Variants in ANO2 observed in about 807,000 individuals in gnomAD.
The protein encoded by ANO2 is anoctamin-2.
ANO2 carries 101 observed loss-of-function variants against 124.2 expected under a neutral mutation model. The observed-to-expected ratio is 0.81, with a 90% CI of 0.69 to 0.96. The LOEUF (loss-of-function observed/expected upper bound fraction) is 0.96, where lower values mean the gene tolerates loss of function less well. ANO2 is among the 40% of genes least tolerant of loss of function. ANO2 has a pLI of 0.00. For missense variants in ANO2, 1,293 were observed against 1,274.5 expected (o/e 1.01, Z -0.22); for synonymous variants, 486 against 482.5 (o/e 1.01, Z -0.09).
intron 16 of ANO2, among the ~76,000 whole-genome samples, chr12:5,618,218 C>T (rs890789162): frequency 1.3e-5 from 2 of 152,204 alleles, no homozygotes; most frequent in Admixed American, 6.5e-5. Context: ...CTGGCTCTTC[C>T]AGCCTGTCCT....
At chr12:5,935,097 A>G (rs1942591308) in intron 1 of ANO2, among the ~76,000 whole-genome samples, 1 of 152,214 alleles carries the variant, frequency 6.6e-6, no homozygotes, top group African/African-American at 2.4e-5. Flanking sequence ...AGTCTGTAGG[A>G]AAGTGCTCAG....
At chr12:5,855,631 A>G (rs1271743725) in intron 3 of ANO2, among the ~76,000 whole-genome samples, 2 of 152,242 alleles carry the variant, frequency 1.3e-5, no homozygotes, top group Non-Finnish European at 2.9e-5. Context: ...TTGACTGTGT[A>G]TTATGCGCCA....
chr12:5,720,872 GAGA>G (rs750660495), intron 14 of ANO2, among the ~76,000 whole-genome samples: 13 of 152,090 alleles, frequency 8.5e-5, no homozygotes, highest in Non-Finnish European at 1.6e-4. Flanking sequence ...GTGAGCAGAG[GAGA>G]AGGTCTTATT....
chr12:5,637,754 G>A (rs1946098107), intron 15 of ANO2, among the ~76,000 whole-genome samples: 1 of 151,894 alleles, frequency 6.6e-6, no homozygotes, highest in Non-Finnish European at 1.5e-5. Context: ...CCTCACTTCA[G>A]CTCTCTGGTT....
chr12:5,695,192 G>A (rs866070731), intron 14 of ANO2, among the ~76,000 whole-genome samples: 19 of 152,204 alleles, frequency 1.2e-4, no homozygotes, highest in South Asian at 4.2e-4. Flanking sequence ...AGCACTCCAA[G>A]CACCACTCCT....
chr12:5,761,542 C>A (rs1309746910), intron 10 of ANO2, among the ~76,000 whole-genome samples: 1 of 152,078 alleles, frequency 6.6e-6, no homozygotes, highest in Non-Finnish European at 1.5e-5. Context: ...ATTATTGTAC[C>A]TGTCTTATCG....
At chr12:5,699,190 G>A (rs1949307923) in intron 14 of ANO2, among the ~76,000 whole-genome samples, 1 of 152,236 alleles carries the variant, frequency 6.6e-6, no homozygotes, top group Non-Finnish European at 1.5e-5. Context: ...GACAGCCAGA[G>A]AGAAAGGTTG....
intron 1 of ANO2, among the ~76,000 whole-genome samples, chr12:5,944,573 C>A (rs1427181128): frequency 6.6e-6 from 1 of 152,200 alleles, no homozygotes; most frequent in Non-Finnish European, 1.5e-5. Context: ...TAACGTCTTT[C>A]TTCTCCATAC....
intron 20 of ANO2, among the ~76,000 whole-genome samples, chr12:5,592,882 A>G (rs1943475168): frequency 6.6e-6 from 1 of 152,240 alleles, no homozygotes; most frequent in African/African-American, 2.4e-5. Context: ...TCCTGAACCC[A>G]GAAGCTCAGA....
At chr12:5,841,823 T>A (rs559369686) in intron 4 of ANO2, among the ~76,000 whole-genome samples, 1 of 151,960 alleles carries the variant, frequency 6.6e-6, no homozygotes, top group Non-Finnish European at 1.5e-5. Context: ...TCTCTTGTCA[T>A]AACCCAGTCT....
intron 3 of ANO2, among the ~76,000 whole-genome samples, chr12:5,915,788 T>A (rs1311870634): frequency 1.3e-5 from 2 of 152,188 alleles, no homozygotes; most frequent in African/African-American, 4.8e-5. Flanking sequence ...AGCTGATGAA[T>A]CTCCAAGCAC....
At chr12:5,714,974 G>A (rs1431299550) in intron 14 of ANO2, among the ~76,000 whole-genome samples, 2 of 152,106 alleles carry the variant, frequency 1.3e-5, no homozygotes, top group African/African-American at 2.4e-5. Flanking sequence ...AGTGACTATC[G>A]ATGGGAGTTC....
chr12:5,565,460 T>A, intron 24 of ANO2, 98 bp downstream of exon 24: 1 of 1,059,116 alleles, frequency 9.4e-7, no homozygotes, highest in South Asian at 1.5e-5. Context: ...TGTCACAGAG[T>A]ACCACCGGAA....
intron 16 of ANO2, among the ~76,000 whole-genome samples, chr12:5,628,419 G>C (rs910668594): frequency 6.6e-6 from 1 of 152,304 alleles, no homozygotes; most frequent in Non-Finnish European, 1.5e-5. Context: ...AAACTTTTCT[G>C]GGGAACAAGG....
At chr12:5,628,929 G>T (rs1305067086) in intron 16 of ANO2, among the ~76,000 whole-genome samples, 1 of 152,178 alleles carries the variant, frequency 6.6e-6, no homozygotes, top group Non-Finnish European at 1.5e-5. Context: ...GTTGGTATGA[G>T]GTGGGCCCTC....
intron 3 of ANO2, among the ~76,000 whole-genome samples, chr12:5,876,832 TA>T (rs1938134683): frequency 6.6e-6 from 1 of 151,296 alleles, no homozygotes; most frequent in Admixed American, 6.6e-5. Context: ...CTGTCAGGGG[TA>T]GGGGGTTAGG....
At position 5,637,342 on chromosome 12, in the gene ANO2, T is replaced by TGTGC. The variant is rs1429955242; in HGVS notation, c.1621-1996_1621-1995insGCAC. Among the ~76,000 whole-genome samples the TGTGC allele has an allele frequency of 1.7e-4, 17 of 101,744 alleles. No homozygotes were observed. The South Asian group carries it at 3.3e-3, about 20-fold the overall frequency. The allele number at this position is 101,744 out of a possible 152,430, so 66.7% of individuals were successfully genotyped here. On this transcript the variant is annotated intron_variant, in intron 15 of 24. Coordinates refer to ENST00000682330, the MANE Select transcript of ANO2 (RefSeq NM_001364791.2). ...GAGGGTATTGAGGAGTGAGTGAATG[T>TGTGC]GTGTGTGTGTGTGTGTGTACGTGTG...
intron 14 of ANO2, among the ~76,000 whole-genome samples, chr12:5,656,257 G>A (rs185765126): frequency 3.0e-4 from 45 of 152,302 alleles, no homozygotes; most frequent in African/African-American, 9.9e-4. Flanking sequence ...AGATCTCTCT[G>A]TTAAGCTCCA....
chr12:5,673,575 C>T (rs1052015925), intron 14 of ANO2, among the ~76,000 whole-genome samples: 7 of 152,332 alleles, frequency 4.6e-5, no homozygotes, highest in Admixed American at 4.6e-4. Context: ...TATCCCAGTG[C>T]TTGGTTCATA....
Sources: allele counts gnomAD v4.1 joint callset (sites outside exome capture counted in the v4.1 genomes callset), GRCh38; gene constraint gnomAD v4.1.1; transcripts MANE v1.5; gene names NCBI Gene and HGNC (gene_info 2026-07-23, HGNC 2026-07-21).